MIPOL1: variants seen among roughly 807,000 people sequenced by gnomAD.
The protein encoded by MIPOL1 is mirror-image polydactyly gene 1 protein.
MIPOL1 carries 57 observed loss-of-function variants against 60.9 expected under a neutral mutation model. The observed-to-expected ratio is 0.94, with a 90% CI of 0.76 to 1.17. MIPOL1 has a LOEUF of 1.17. MIPOL1 is among the 50% of genes most tolerant of loss of function. MIPOL1 has a pLI of 0.00. For synonymous variants in MIPOL1, 179 were observed against 168.8 expected, an observed-to-expected ratio of 1.06 and a Z score of -0.47; for missense variants, 551 against 511.6, an observed-to-expected ratio of 1.08 and a Z score of -0.74.
intron 12 of MIPOL1, among the ~76,000 whole-genome samples, 196 bp from the exon 13 acceptor site, chr14:37,546,709 T>G (rs2095548844): frequency 6.6e-6 from 1 of 152,030 alleles, no homozygotes; most frequent in African/African-American, 2.4e-5. Context: ...GGTTAAAGTT[T>G]GTGTCGTTGC....
chr14:37,401,796 T>TA (rs2093487514), intron 10 of MIPOL1: 1 of 152,012 alleles, frequency 6.6e-6, no homozygotes, highest in Non-Finnish European at 1.5e-5. Context: ...ATCTGAAAAT[T>TA]TATAGATAAA....
At chr14:37,216,971 A>C (rs1287436144) in intron 1 of MIPOL1, among the ~76,000 whole-genome samples, 4 of 152,138 alleles carry the variant, frequency 2.6e-5, no homozygotes, top group African/African-American at 9.7e-5. Context: ...AATACAAACA[A>C]CCAATAAAAC....
intron 9 of MIPOL1, among the ~76,000 whole-genome samples, chr14:37,356,554 G>T (rs1210849393): frequency 2.0e-5 from 3 of 152,190 alleles, no homozygotes; most frequent in Non-Finnish European, 4.4e-5. Flanking sequence ...CTAGCAATCA[G>T]CGAGACTCTG....
intron 7 of MIPOL1, among the ~76,000 whole-genome samples, chr14:37,303,471 T>C (rs2086503010): frequency 6.6e-6 from 1 of 151,852 alleles, no homozygotes; most frequent in Non-Finnish European, 1.5e-5. Context: ...TTCTATCTCT[T>C]TAACTAAAAT....
In MIPOL1 at chr14:37,275,600, T is replaced by A. The variant is rs183367994; in HGVS notation, c.493+5075T>A. ...CACAGTGGGCATTATCTAGTGTTTT[T>A]GTTTCTTTAATTTTTGTTATTCTAT... On this transcript the variant is annotated intron_variant, in intron 6 of 12. Transcript: ENST00000684589. Among the ~76,000 whole-genome samples the A allele has an allele frequency of 2.6e-3, 401 of 151,346 alleles. 1 individual carries two copies. Among genetic ancestry groups the A allele is most frequent in the Non-Finnish European group, 4.8e-3 (321 of 67,280 alleles).
At chr14:37,390,112 C>T (rs962959206) in intron 10 of MIPOL1, among the ~76,000 whole-genome samples, 6 of 151,520 alleles carry the variant, frequency 4.0e-5, no homozygotes, top group African/African-American at 7.3e-5. Flanking sequence ...CCAGCTACTC[C>T]GGAGGCTGAA....
chr14:37,320,836 G>A (rs2088503295), intron 9 of MIPOL1, among the ~76,000 whole-genome samples: 1 of 152,008 alleles, frequency 6.6e-6, no homozygotes, highest in African/African-American at 2.4e-5. Context: ...TCAGCATCAT[G>A]CAATTAATGA....
At chr14:37,237,348 G>A (rs1288793477) in intron 1 of MIPOL1, among the ~76,000 whole-genome samples, 1 of 152,086 alleles carries the variant, frequency 6.6e-6, no homozygotes. Flanking sequence ...GACTCCCACT[G>A]CACCAGGTAG....
chr14:37,451,246 C>T (rs2094412664), intron 11 of MIPOL1, among the ~76,000 whole-genome samples: 1 of 152,196 alleles, frequency 6.6e-6, no homozygotes, highest in Non-Finnish European at 1.5e-5. Flanking sequence ...CCCCCTACTT[C>T]ATCTCTGTAC....
chr14:37,229,009 C>T (rs1157051036), intron 1 of MIPOL1, among the ~76,000 whole-genome samples: 1 of 151,354 alleles, frequency 6.6e-6, no homozygotes, highest in African/African-American at 2.4e-5. Flanking sequence ...GGTAAAGTTT[C>T]TAAAATAAGT....
At chr14:37,336,105 GTTTT>G (rs139169812) in intron 9 of MIPOL1, among the ~76,000 whole-genome samples, 8 of 111,748 alleles carry the variant, frequency 7.2e-5, no homozygotes, top group Non-Finnish European at 1.5e-4. Context: ...CAAATTCATG[GTTTT>G]TTTTTTTTTT....
chr14:37,311,178 A>G (rs2087283406), intron 9 of MIPOL1, among the ~76,000 whole-genome samples: 1 of 152,196 alleles, frequency 6.6e-6, no homozygotes, highest in Non-Finnish European at 1.5e-5. Context: ...TATTGCAGCA[A>G]CAGCCCTCTG....
chr14:37,325,291 CAT>C (rs771794829), intron 9 of MIPOL1, among the ~76,000 whole-genome samples: 16 of 152,032 alleles, frequency 1.1e-4, no homozygotes, highest in South Asian at 2.1e-4. Flanking sequence ...GATATGTTGA[CAT>C]ATATTTTATA....
chr14:37,513,534 A>G (rs1163055174), intron 12 of MIPOL1, among the ~76,000 whole-genome samples: 1 of 152,154 alleles, frequency 6.6e-6, no homozygotes, highest in Non-Finnish European at 1.5e-5. Context: ...CCAGGGAAGG[A>G]TTAATGTAGG....
At chr14:37,212,997 A>G (rs1966953367) in intron 1 of MIPOL1, among the ~76,000 whole-genome samples, 1 of 152,170 alleles carries the variant, frequency 6.6e-6, no homozygotes, top group Admixed American at 6.5e-5. Flanking sequence ...TGAGTCTGCA[A>G]GAACCACAGC....
chr14:37,415,358 C>T (rs987597625), intron 10 of MIPOL1, among the ~76,000 whole-genome samples: 7 of 152,086 alleles, frequency 4.6e-5, no homozygotes, highest in South Asian at 2.1e-4. Context: ...CATGGTGGCT[C>T]ACGCCTATAA....
intron 11 of MIPOL1, among the ~76,000 whole-genome samples, chr14:37,456,902 C>T (rs1291771342): frequency 1.3e-5 from 2 of 152,080 alleles, no homozygotes; most frequent in East Asian, 3.9e-4. Context: ...TACAGACAAC[C>T]TTCAAGGAAT....
intron 9 of MIPOL1, among the ~76,000 whole-genome samples, chr14:37,358,532 ACTG>A (rs2092004764): frequency 6.6e-6 from 1 of 152,122 alleles, no homozygotes; most frequent in African/African-American, 2.4e-5. Context: ...TGCCATTCTA[ACTG>A]GTGTGAGATG....
intron 1 of MIPOL1, among the ~76,000 whole-genome samples, chr14:37,225,818 T>C (rs1217102510): frequency 6.6e-6 from 1 of 152,202 alleles, no homozygotes; most frequent in African/African-American, 2.4e-5. Context: ...GCAAATTGTC[T>C]GAACTTTTAT....
Sources: allele counts gnomAD v4.1 joint callset (sites outside exome capture counted in the v4.1 genomes callset), GRCh38; gene constraint gnomAD v4.1.1; transcripts MANE v1.5; gene names NCBI Gene and HGNC (gene_info 2026-07-23, HGNC 2026-07-21).